TSTD1: variants seen among roughly 807,000 people sequenced by gnomAD.
TSTD1 encodes thiosulfate:glutathione sulfurtransferase.
A neutral mutation model predicts 12.6 loss-of-function variants in TSTD1; 7 were observed. The ratio of observed to expected loss-of-function variants is 0.55; its 90% CI spans 0.32 to 1.04. The LOEUF (loss-of-function observed/expected upper bound fraction) is 1.04, where lower values mean the gene tolerates loss of function less well. Among genes scored for constraint, TSTD1 ranks in the 50% least tolerant of loss-of-function variants. The pLI, the probability that TSTD1 is intolerant of heterozygous loss-of-function variation, is 0.05. For synonymous variants in TSTD1, 73 were observed against 59.7 expected (o/e 1.22, Z -1.03); for missense variants, 156 against 151.0 (o/e 1.03, Z -0.17).
At chr1:161,038,787 A>G (rs982847848) in intron 1 of TSTD1, 93 bp downstream of exon 1, 16 of 1,520,566 alleles carry the variant, frequency 1.1e-5, no homozygotes, top group African/African-American at 1.4e-5. Flanking sequence ...AAGACCCCTC[A>G]GCCACGCCCC....
chr1:161,038,628 C>A lies in TSTD1; in HGVS notation c.56G>T (p.Gly19Val). The A allele has an allele frequency of 6.4e-7, 1 of 1,550,868 alleles. No individual in the cohort carries two copies. The highest frequency in any genetic ancestry group is 2.4e-5 in the East Asian group (1 of 40,894). Residue 19 changes from glycine to valine, a missense_variant, in exon 2 of 4, where the codon GGA becomes GTA. Gly to Val is a moderately radical substitution (Grantham distance 109, BLOSUM62 -3). Coordinates refer to ENST00000423014, the MANE Select transcript of TSTD1 (RefSeq NM_001113207.2). ...GCGCACGTCGAAGAGCCGGGCCCGT[C>A]CGGAGGCTAGGAGTGAACGGAGTTC... is the stretch of plus-strand genomic sequence containing the variant. Reference protein sequence around the residue: ...LPELRSLLASGRARLFDVRSR... With the variant: ...LPELRSLLASVRARLFDVRSR...
At chr1:161,038,258 T>C in intron 2 of TSTD1, 183 bp from the exon 3 acceptor site, 1 of 718,520 alleles carries the variant, frequency 1.4e-6, no homozygotes, top group Non-Finnish European at 2.2e-6. Flanking sequence ...CCCTAAGCTG[T>C]GAGGAGGCGG....
Position 161,037,755 on chromosome 1 carries a change from A to C in TSTD1, c.*20T>G. On this transcript the variant is annotated 3_prime_UTR_variant, in exon 4 of 4. Coordinates refer to ENST00000423014, the MANE Select transcript of TSTD1 (RefSeq NM_001113207.2). ...GCCATTAAGGGGCCAGGGGGTGGCA[A>C]TCAGTAAGCTGCCTCCTGCCTAACT... 1 of 1,551,732 alleles carries C rather than the reference A, an allele frequency of 6.4e-7. No homozygotes were observed. The highest frequency in any genetic ancestry group is 8.7e-7 in the Non-Finnish European group (1 of 1,147,004).
intron 2 of TSTD1, 43 bp downstream of exon 2, chr1:161,038,508 G>A (rs1650326113): frequency 1.3e-6 from 2 of 1,497,416 alleles, no homozygotes; most frequent in Admixed American, 2.3e-5. Flanking sequence ...CCTCCTGAAC[G>A]GTCTCTATTC....
At chr1:161,038,711 C>A in intron 1 of TSTD1, 38 bp from the exon 2 acceptor site, 1 of 1,530,156 alleles carries the variant, frequency 6.5e-7, no homozygotes, top group Non-Finnish European at 8.9e-7. Flanking sequence ...GAAGAGGGGG[C>A]CTAGGAGTCA....
At position 161,037,662 on chromosome 1, in the gene TSTD1, G is replaced by T; in HGVS notation, c.*113C>A. 1 of 1,105,102 alleles carries T rather than the reference G, an allele frequency of 9.0e-7. No homozygotes were observed. The highest frequency in any genetic ancestry group is 1.3e-6 in the Non-Finnish European group (1 of 759,494). 68.5% of individuals were successfully genotyped at this position (1,105,102 alleles called of 1,614,324 possible). On this transcript the variant is annotated 3_prime_UTR_variant, in exon 4 of 4. Coordinates refer to ENST00000423014, the MANE Select transcript of TSTD1 (RefSeq NM_001113207.2). The stretch of plus-strand genomic sequence containing the variant: ...TAAATGTTCTTTATTTGATGCTTTT[G>T]TGTGCACAACACTATAAGGAGTTGC...
chr1:161,038,939 C>G lies in TSTD1; in HGVS notation c.-50G>C. On this transcript the variant is annotated 5_prime_UTR_variant, in exon 1 of 4. Coordinates refer to ENST00000423014, the MANE Select transcript of TSTD1 (RefSeq NM_001113207.2). ...CCGGAGTGCGGCCCTGGCCCGCCCT[C>G]TCGGCGCCTGCAACATCTCCCGTTC... 1 of 1,547,806 alleles carries G rather than the reference C, an allele frequency of 6.5e-7. No homozygotes were observed. The highest frequency in any genetic ancestry group is 8.7e-7 in the Non-Finnish European group (1 of 1,144,010).
In TSTD1 at chr1:161,037,960, C is replaced by T; in HGVS notation, c.249G>A (p.Lys83=). 1 of 1,551,824 alleles carries T rather than the reference C, an allele frequency of 6.4e-7. No homozygotes were observed. Among genetic ancestry groups the T allele is most frequent in the Non-Finnish European group, 8.7e-7 (1 of 1,147,018 alleles). ...CCAGCTGCGTGGCCTGGAGGCCCCG[C>T]TTGCCCATCTGACAGAAGAAAACGA... ...EHLVFFCQMG[K]RGLQATQLAR... is the part of the protein sequence containing the mutation. Residue 83 remains lysine (K), a synonymous_variant, in exon 3 of 4, where the codon AAG becomes AAA. Transcript: ENST00000423014.
Position 161,038,139 on chromosome 1 carries a change from C to T in TSTD1, c.134-64G>A, listed in dbSNP as rs371123909. 45 of 1,510,458 alleles carry T rather than the reference C, an allele frequency of 3.0e-5. No individual in the cohort carries two copies. The East Asian group carries it at 8.9e-4, about 30-fold the overall frequency. The allele number at this position is 1,510,458 out of a possible 1,614,324, so 93.6% of individuals were successfully genotyped here. A position where few individuals can be genotyped will look rare whatever the true frequency, so the allele number is the denominator to read the frequency against. The stretch of plus-strand genomic sequence containing the variant: ...TTGGCACTCAGGTTCGGAAGCTGGG[C>T]CTGGAAGGGCTGGGTCCTGGGGGCC... On this transcript the variant is annotated intron_variant, in intron 2 of 3. Transcript: ENST00000423014.
rs565931210 is a variant in TSTD1, at chr1:161,037,668, A to C, written c.*107T>G. 5.5e-4 allele frequency: 646 copies of C among 1,184,824 alleles called. 13 individuals are homozygous for C. The South Asian group carries it at 6.9e-3, about 13-fold the overall frequency. 73.4% of individuals were successfully genotyped at this position (1,184,824 alleles called of 1,614,324 possible). A position where few individuals can be genotyped will look rare whatever the true frequency, so the allele number is the denominator to read the frequency against. ...TTCTTTATTTGATGCTTTTGTGTGCACAACACTATAAGGAGTTGCCCAATT... is the reference window on the plus strand; with the variant it reads ...TTCTTTATTTGATGCTTTTGTGTGCCCAACACTATAAGGAGTTGCCCAATT... On this transcript the variant is annotated 3_prime_UTR_variant, in exon 4 of 4. Transcript: ENST00000423014.
At position 161,038,061 on chromosome 1, in the gene TSTD1, TCTCCAAC is replaced by T; in HGVS notation, c.141_147del (p.Leu48ValfsTer73). ...GCAGCTGGCTCCATCTGCAGAGCAC[TCTCCAAC>T]TCGGACACTGGAGGAGTGGAGAGGG... On this transcript the variant is annotated frameshift_variant, in exon 3 of 4. Coordinates refer to ENST00000423014, the MANE Select transcript of TSTD1 (RefSeq NM_001113207.2). LOFTEE classifies it high-confidence loss of function. 1 of 1,551,526 alleles carries T rather than the reference TCTCCAAC, an allele frequency of 6.4e-7. No homozygotes were observed. The highest frequency in any genetic ancestry group is 8.7e-7 in the Non-Finnish European group (1 of 1,147,000).
In TSTD1 at chr1:161,038,618, C is replaced by G. The variant is rs1209490441; in HGVS notation, c.66G>C (p.Arg22=). ...LRSLLASGRA[R]LFDVRSREEA... is the part of the protein sequence containing the mutation. Reference sequence around the variant, plus strand: ...CCTCGCGAGAGCGCACGTCGAAGAGCCGGGCCCGTCCGGAGGCTAGGAGTG... The same window carrying G: ...CCTCGCGAGAGCGCACGTCGAAGAGGCGGGCCCGTCCGGAGGCTAGGAGTG... Residue 22 remains arginine (R), a synonymous_variant, in exon 2 of 4, where the codon CGG becomes CGC. Transcript: ENST00000423014. The G allele has an allele frequency of 6.4e-7, 1 of 1,550,850 alleles. No individual in the cohort carries two copies. Among genetic ancestry groups the G allele is most frequent in the Non-Finnish European group, 8.7e-7 (1 of 1,146,344 alleles).
Position 161,037,668 on chromosome 1 carries a change from A to G in TSTD1, c.*107T>C. 8.4e-7 allele frequency: 1 copy of G among 1,184,826 alleles called. No individual in the cohort carries two copies. The highest frequency in any genetic ancestry group is 1.2e-6 in the Non-Finnish European group (1 of 824,412). The allele number at this position is 1,184,826 out of a possible 1,614,324, so 73.4% of individuals were successfully genotyped here. A position where few individuals can be genotyped will look rare whatever the true frequency, so the allele number is the denominator to read the frequency against. On this transcript the variant is annotated 3_prime_UTR_variant, in exon 4 of 4. Coordinates refer to ENST00000423014, the MANE Select transcript of TSTD1 (RefSeq NM_001113207.2). ...TTCTTTATTTGATGCTTTTGTGTGC[A>G]CAACACTATAAGGAGTTGCCCAATT...
In TSTD1 at chr1:161,038,762, G is replaced by A. The variant is rs578000607; in HGVS notation, c.11-89C>T. 3.2e-5 allele frequency: 48 copies of A among 1,519,532 alleles called. No homozygotes were observed. In the Admixed American group the frequency reaches 3.2e-4, roughly 10 times the overall value. 94.1% of individuals were successfully genotyped at this position (1,519,532 alleles called of 1,614,324 possible). On this transcript the variant is annotated intron_variant, in intron 1 of 3. Transcript: ENST00000423014. ...CCCCTCACCTGGCAGCGCCCCTCCC[G>A]GTAGGGTGTGCACGAAGACCCCTCA...
intron 2 of TSTD1, 137 bp from the exon 3 acceptor site, chr1:161,038,212 G>A (rs1055859712): frequency 2.2e-6 from 2 of 919,984 alleles, no homozygotes; most frequent in Non-Finnish European, 1.6e-6. Context: ...CCAATTTCAA[G>A]GAACAGAAAC....
At chr1:161,038,801 G>A (rs1188359262) in intron 1 of TSTD1, 79 bp downstream of exon 1, 86 of 1,523,190 alleles carry the variant, frequency 5.6e-5, no homozygotes, top group Non-Finnish European at 7.6e-5. Context: ...ACGCCCCTTC[G>A]CTCCGCCACC....
In TSTD1 at chr1:161,037,734, T is replaced by C; in HGVS notation, c.*41A>G. The C allele has an allele frequency of 6.5e-7, 1 of 1,549,958 alleles. No homozygotes were observed. The highest frequency in any genetic ancestry group is 8.7e-7 in the Non-Finnish European group (1 of 1,145,438). On this transcript the variant is annotated 3_prime_UTR_variant, in exon 4 of 4. Coordinates refer to ENST00000423014, the MANE Select transcript of TSTD1 (RefSeq NM_001113207.2). ...TTCACACCCTTAGTTAAGGTGGCCA[T>C]TAAGGGGCCAGGGGGTGGCAATCAG...
rs777438010 is a variant in TSTD1 at position 161,037,939 on chromosome 1, C to A, written c.270G>T (p.Gln90His). 7 of 1,551,758 alleles carry A rather than the reference C, an allele frequency of 4.5e-6. No homozygotes were observed. Among genetic ancestry groups the A allele is most frequent in the Non-Finnish European group, 4.4e-6 (5 of 1,147,042 alleles). Reference sequence around the variant, plus strand: ...CAGTGTATCCAAGACTCCGGGCCAGCTGCGTGGCCTGGAGGCCCCGCTTGC... The same window carrying A: ...CAGTGTATCCAAGACTCCGGGCCAGATGCGTGGCCTGGAGGCCCCGCTTGC... ...QMGKRGLQAT[Q>H]LARSLGYTGA... Residue 90 changes from glutamine to histidine, a missense_variant, in exon 3 of 4, where the codon CAG (glutamine) becomes CAT (histidine). Physicochemically the swap from Gln to His is conservative, Grantham distance 24. Coordinates refer to ENST00000423014, the MANE Select transcript of TSTD1 (RefSeq NM_001113207.2).
At chr1:161,038,408 G>C in intron 2 of TSTD1, 143 bp downstream of exon 2, 1 of 1,038,594 alleles carries the variant, frequency 9.6e-7, no homozygotes, top group East Asian at 2.7e-5. Flanking sequence ...TCCTTCCTAC[G>C]GAAGCTGAGG....
Sources: allele counts gnomAD v4.1 joint callset, GRCh38; gene constraint gnomAD v4.1.1; transcripts MANE v1.5; gene names NCBI Gene and HGNC (gene_info 2026-07-23, HGNC 2026-07-21).